PPP2R3A: variants seen among roughly 807,000 people sequenced by gnomAD.
PPP2R3A encodes the protein protein phosphatase 2 regulatory subunit B''alpha.
Under a neutral mutation model 106.9 loss-of-function variants are expected in PPP2R3A, and 80 were observed. The observed-to-expected ratio is 0.75, with a 90% CI of 0.62 to 0.90. PPP2R3A has a LOEUF of 0.90. PPP2R3A is among the 40% of genes least tolerant of loss of function. PPP2R3A has a pLI of 0.00. For synonymous variants in PPP2R3A, 483 were observed against 468.3 expected (o/e 1.03, Z -0.41); for missense variants, 1,386 against 1,350.4 (o/e 1.03, Z -0.41).
At chr3:135,973,915 CTCCAGT>C (rs1378610462) in intron 1 of PPP2R3A, among the ~76,000 whole-genome samples, 2 of 152,174 alleles carry the variant, frequency 1.3e-5, no homozygotes, top group African/African-American at 4.8e-5. Flanking sequence ...AACTCACTGA[CTCCAGT>C]TCCTTTTCCA....
At chr3:136,092,911 A>G (rs751552171) in intron 10 of PPP2R3A, among the ~76,000 whole-genome samples, 3 of 151,916 alleles carry the variant, frequency 2.0e-5, no homozygotes, top group Non-Finnish European at 2.9e-5. Flanking sequence ...TTTTGTACCA[A>G]CCTTACCTTT....
At chr3:136,044,645 T>C (rs1935412401) in intron 4 of PPP2R3A, among the ~76,000 whole-genome samples, 1 of 151,354 alleles carries the variant, frequency 6.6e-6, no homozygotes, top group African/African-American at 2.4e-5. Context: ...GAGCTTCTCT[T>C]TCCTACCAAG....
At chr3:136,050,349 ATTTCTAACTTTAGCCT>A (rs1394942234) in intron 5 of PPP2R3A, among the ~76,000 whole-genome samples, 14 of 152,196 alleles carry the variant, frequency 9.2e-5, no homozygotes, top group African/African-American at 3.1e-4. Context: ...CTGGATTTGA[ATTTCTAACTTTAGCCT>A]TCGTTTACCA....
chr3:136,027,238 T>C (rs1224007235), intron 3 of PPP2R3A, 140 bp downstream of exon 3: 1 of 774,636 alleles, frequency 1.3e-6, no homozygotes, highest in Non-Finnish European at 2.0e-6. Flanking sequence ...TGTTGTTGTT[T>C]TTCCCATAGT....
intron 2 of PPP2R3A, among the ~76,000 whole-genome samples, chr3:136,025,148 G>C (rs1348595738): frequency 6.6e-6 from 1 of 152,084 alleles, no homozygotes; most frequent in Admixed American, 6.6e-5. Context: ...GCCCAGCACT[G>C]TTCTAAACCT....
At position 136,135,740 on chromosome 3, in the gene PPP2R3A, A is replaced by G. The variant is rs562440119; in HGVS notation, c.3330-9303A>G. On this transcript the variant is annotated intron_variant, in intron 13 of 13. Coordinates refer to ENST00000264977, the MANE Select transcript of PPP2R3A (RefSeq NM_002718.5). Reference sequence around the variant, plus strand: ...GATAAATAGTAGCTATTACTACTCCATATAGGAGAAATACAATGTAACATC... The same window carrying G: ...GATAAATAGTAGCTATTACTACTCCGTATAGGAGAAATACAATGTAACATC... 2.4e-3 allele frequency among the ~76,000 whole-genome samples: 371 copies of G among 152,250 alleles called. 2 individuals are homozygous for G. The highest frequency in any genetic ancestry group is 8.3e-3 in the African/African-American group (344 of 41,538).
At chr3:136,100,260 A>G (rs1462307668) in intron 10 of PPP2R3A, among the ~76,000 whole-genome samples, 1 of 152,196 alleles carries the variant, frequency 6.6e-6, no homozygotes, top group Non-Finnish European at 1.5e-5. Flanking sequence ...CTAAAATTCC[A>G]GCACTTTGGG....
At chr3:135,992,955 A>T (rs1283106097) in intron 1 of PPP2R3A, among the ~76,000 whole-genome samples, 1 of 152,210 alleles carries the variant, frequency 6.6e-6, no homozygotes, top group Non-Finnish European at 1.5e-5. Flanking sequence ...AATATGTCCC[A>T]GGAGTCAAGT....
chr3:136,104,320 G>T (rs1256458591), intron 12 of PPP2R3A, among the ~76,000 whole-genome samples: 1 of 151,884 alleles, frequency 6.6e-6, no homozygotes, highest in African/African-American at 2.4e-5. Flanking sequence ...GTGTGTGTGT[G>T]TGTGTGACAG....
At chr3:136,003,582 A>T (rs753622644) in intron 2 of PPP2R3A, 89 bp downstream of exon 2, 16 of 1,274,520 alleles carry the variant, frequency 1.3e-5, no homozygotes, top group Non-Finnish European at 1.7e-5. Flanking sequence ...TTTGTTAGCC[A>T]TTTTTTGTTC....
intron 13 of PPP2R3A, among the ~76,000 whole-genome samples, chr3:136,131,871 A>G (rs1413660508): frequency 6.6e-6 from 1 of 152,200 alleles, no homozygotes; most frequent in Non-Finnish European, 1.5e-5. Context: ...AGGGACATGG[A>G]TGAAGCCGAA....
chr3:136,144,956 G>T, intron 13 of PPP2R3A, 87 bp from the exon 14 acceptor site: 1 of 1,450,472 alleles, frequency 6.9e-7, no homozygotes, highest in Non-Finnish European at 9.3e-7. Context: ...TTTGTGGGCT[G>T]GTCTTGAGGC....
chr3:136,094,960 A>G (rs796957522), intron 10 of PPP2R3A, among the ~76,000 whole-genome samples: 13 of 152,278 alleles, frequency 8.5e-5, no homozygotes, highest in African/African-American at 3.1e-4. Context: ...ATCAGTAACA[A>G]AATACTAGTA....
intron 13 of PPP2R3A, among the ~76,000 whole-genome samples, chr3:136,136,045 CAAAAAAAAAAAA>C (rs34558229): frequency 4.0e-4 from 9 of 22,382 alleles, no homozygotes; most frequent in South Asian, 2.4e-3. Context: ...GACTCCGTCT[CAAAAAAAAAAAA>C]AAAAAAAAAA....
chr3:135,983,823 G>T (rs1197684336), intron 1 of PPP2R3A, among the ~76,000 whole-genome samples: 2 of 152,162 alleles, frequency 1.3e-5, no homozygotes, highest in African/African-American at 2.4e-5. Context: ...CAAGCTCATT[G>T]TTTTAAGTAT....
At chr3:136,132,042 A>G (rs1040253599) in intron 13 of PPP2R3A, among the ~76,000 whole-genome samples, 2 of 151,976 alleles carry the variant, frequency 1.3e-5, no homozygotes, top group Admixed American at 1.3e-4. Flanking sequence ...GAGGGATAGC[A>G]TTGGGAGAGA....
rs974078190 is a variant in PPP2R3A at position 136,036,858 on chromosome 3, A to G, written c.2263-4001A>G. Among the ~76,000 whole-genome samples the G allele has an allele frequency of 3.3e-5, 5 of 152,192 alleles. No individual in the cohort carries two copies. In the South Asian group the frequency reaches 6.2e-4, roughly 19 times the overall value. ...CTTTTAATTTAGCTTTTACTTGGCT[A>G]TTGCAGTCTATTAGTACTCACTAAG... On this transcript the variant is annotated intron_variant, in intron 3 of 13. Transcript: ENST00000264977.
chr3:136,130,773 C>T (rs1320514629), intron 13 of PPP2R3A, among the ~76,000 whole-genome samples: 1 of 152,184 alleles, frequency 6.6e-6, no homozygotes, highest in African/African-American at 2.4e-5. Flanking sequence ...TACAAGGCTT[C>T]AGTAACAAAA....
intron 2 of PPP2R3A, among the ~76,000 whole-genome samples, chr3:136,025,632 A>C (rs992484276): frequency 6.6e-6 from 1 of 152,100 alleles, no homozygotes; most frequent in African/African-American, 2.4e-5. Context: ...TTATAAACCT[A>C]TATGTTAAGA....
Sources: allele counts gnomAD v4.1 joint callset (sites outside exome capture counted in the v4.1 genomes callset), GRCh38; gene constraint gnomAD v4.1.1; transcripts MANE v1.5; gene names NCBI Gene and HGNC (gene_info 2026-07-23, HGNC 2026-07-21).